RALB: variants seen among roughly 807,000 people sequenced by gnomAD.
RALB encodes RAS like proto-oncogene B, also known as ras-related protein Ral-B.
RALB carries 16 observed loss-of-function variants against 21.3 expected under a neutral mutation model. That is an observed-to-expected ratio of 0.75 (90% CI 0.51 to 1.14). The LOEUF (loss-of-function observed/expected upper bound fraction) is 1.14. Ranked by LOEUF, RALB falls within the 50% of genes most tolerant of loss-of-function variation. The probability of loss-of-function intolerance (pLI) is 0.00; values close to 1 mark genes in which losing one functional copy is unlikely to be tolerated. For synonymous variants in RALB, 93 were observed against 96.1 expected (o/e 0.97, Z 0.19); for missense variants, 161 against 256.2 (o/e 0.63, Z 2.54).
chr2:120,265,270 C>A (rs908911545), intron 1 of RALB, among the ~76,000 whole-genome samples: 1 of 152,174 alleles, frequency 6.6e-6, no homozygotes, highest in Non-Finnish European at 1.5e-5. Flanking sequence ...CAAATCTGCA[C>A]GTCATGTTAC....
intron 1 of RALB, among the ~76,000 whole-genome samples, chr2:120,247,201 T>C (rs772701532): frequency 2.0e-5 from 3 of 152,136 alleles, no homozygotes; most frequent in Non-Finnish European, 4.4e-5. Context: ...GGATGAGCAA[T>C]AGTGAGGAAG....
chr2:120,256,945 A>G (rs1689214857), intron 1 of RALB, among the ~76,000 whole-genome samples: 1 of 152,248 alleles, frequency 6.6e-6, no homozygotes, highest in Non-Finnish European at 1.5e-5. Context: ...GGAGATGGAA[A>G]GACAGCTGAG....
upstream of RALB, among the ~76,000 whole-genome samples, chr2:120,251,601 G>A (rs552744229): frequency 1.2e-4 from 19 of 152,272 alleles, no homozygotes; most frequent in African/African-American, 4.1e-4. Context: ...CTGTTACTCC[G>A]TAAGAAAAGG....
intron 2 of RALB, among the ~76,000 whole-genome samples, chr2:120,284,455 A>G (rs1161934947): frequency 1.3e-5 from 2 of 151,966 alleles, no homozygotes; most frequent in East Asian, 1.9e-4. Flanking sequence ...CTGGAGTGCA[A>G]TGGCACGATC....
At position 120,260,499 on chromosome 2, in the gene RALB, G is replaced by T. The variant is rs370580050; in HGVS notation, c.-48+7519G>T. On this transcript the variant is annotated intron_variant, in intron 1 of 4. Coordinates refer to ENST00000272519, the MANE Select transcript of RALB (RefSeq NM_002881.3). ...CGGTCAGGGCTGCATCCTCAGGTTCGTAAGTTGTCTGTACAGCCACTGGGC... is the reference window on the plus strand; with the variant it reads ...CGGTCAGGGCTGCATCCTCAGGTTCTTAAGTTGTCTGTACAGCCACTGGGC... Among the ~76,000 whole-genome samples, 7 of 152,362 alleles carry T rather than the reference G, an allele frequency of 4.6e-5. 1 individual carries two copies. The highest frequency in any genetic ancestry group is 1.7e-4 in the African/African-American group (7 of 41,594).
chr2:120,264,904 G>T (rs1253514805), intron 1 of RALB, among the ~76,000 whole-genome samples: 1 of 152,150 alleles, frequency 6.6e-6, no homozygotes, highest in East Asian at 1.9e-4. Context: ...ACGTCTTTAA[G>T]GGTGATCCAT....
chr2:120,264,002 C>T (rs1689435442), intron 1 of RALB, among the ~76,000 whole-genome samples: 2 of 150,810 alleles, frequency 1.3e-5, no homozygotes, highest in African/African-American at 2.4e-5. Flanking sequence ...ATGCACGCCA[C>T]CACGCCCGGC....
intron 1 of RALB, among the ~76,000 whole-genome samples, chr2:120,274,404 G>A (rs1028971383): frequency 2.0e-5 from 3 of 151,934 alleles, no homozygotes; most frequent in Admixed American, 6.6e-5. Flanking sequence ...GTAGGCAGGC[G>A]GTCAAGAGTA....
chr2:120,266,717 G>A (rs958772499), intron 1 of RALB, among the ~76,000 whole-genome samples: 7 of 152,042 alleles, frequency 4.6e-5, no homozygotes, highest in Non-Finnish European at 1.0e-4. Context: ...TCTTAAAAAA[G>A]AAAATAAATA....
At chr2:120,277,422 T>A (rs759995031) in intron 1 of RALB, among the ~76,000 whole-genome samples, 8 of 151,012 alleles carry the variant, frequency 5.3e-5, no homozygotes, top group Non-Finnish European at 8.8e-5. Flanking sequence ...CATGTGCATG[T>A]TAGAGCCTCT....
chr2:120,246,317 C>T (rs1296542809), intron 1 of RALB, among the ~76,000 whole-genome samples: 1 of 152,144 alleles, frequency 6.6e-6, no homozygotes, highest in Non-Finnish European at 1.5e-5. Context: ...GACAGAGGGG[C>T]ATCCACTTGC....
upstream of RALB, among the ~76,000 whole-genome samples, chr2:120,251,113 A>C (rs1179482855): frequency 6.6e-6 from 1 of 152,242 alleles, no homozygotes; most frequent in Non-Finnish European, 1.5e-5. Flanking sequence ...AGGTGGGAAC[A>C]GTAGAATCCT....
chr2:120,280,080 C>G (rs60069212), intron 2 of RALB, among the ~76,000 whole-genome samples: 2 of 151,820 alleles, frequency 1.3e-5, no homozygotes, highest in Admixed American at 1.3e-4. Context: ...GATCCTGATG[C>G]GAACCTGTCC....
rs1558959537 is a variant in RALB at position 120,293,285 on chromosome 2, G to T, written c.*25G>T. On this transcript the variant is annotated 3_prime_UTR_variant, in exon 5 of 5. Transcript: ENST00000272519. The stretch of plus-strand genomic sequence containing the variant: ...AGTGTCAAGGTGACGGATGAAGCCA[G>T]CTGCTCCTAAGGACACAGGGCTGGG... 1 of 1,601,214 alleles carries T rather than the reference G, an allele frequency of 6.2e-7. No individual in the cohort carries two copies. Among genetic ancestry groups the T allele is most frequent in the Non-Finnish European group, 8.5e-7 (1 of 1,173,458 alleles).
chr2:120,277,463 T>TGA (rs1553523390), intron 1 of RALB, among the ~76,000 whole-genome samples: 3 of 150,896 alleles, frequency 2.0e-5, no homozygotes, highest in East Asian at 2.0e-4. Context: ...TGTTAGAGCA[T>TGA]GTATGTGGTG....
upstream of RALB, among the ~76,000 whole-genome samples, chr2:120,251,871 G>A (rs1689063418): frequency 6.6e-6 from 1 of 152,192 alleles, no homozygotes; most frequent in African/African-American, 2.4e-5. Flanking sequence ...TATAGATGCT[G>A]ATGGAGGGAC....
Position 120,294,286 on chromosome 2 carries a change from G to A in RALB, c.*1026G>A. 2 of 398,678 alleles carry A rather than the reference G, an allele frequency of 5.0e-6. No homozygotes were observed. 24.7% of individuals were successfully genotyped at this position (398,678 alleles called of 1,614,324 possible). ...CTGCTACCTCTCATAGAATTGCTCT[G>A]TAATTCTAAATTTAAAATTAGAAGT... On this transcript the variant is annotated 3_prime_UTR_variant, in exon 5 of 5. Transcript: ENST00000272519.
Position 120,294,138 on chromosome 2 carries a change from C to G in RALB, c.*878C>G, listed in dbSNP as rs867622759. On this transcript the variant is annotated 3_prime_UTR_variant, in exon 5 of 5. Transcript: ENST00000272519. ...TGGTGAATGCATGTGTCTGTCTGATCAGCATCACTGCACACGGAGGTCTAG... is the reference window on the plus strand; with the variant it reads ...TGGTGAATGCATGTGTCTGTCTGATGAGCATCACTGCACACGGAGGTCTAG... 2.5e-5 allele frequency: 10 copies of G among 398,516 alleles called. No homozygotes were observed. Among genetic ancestry groups the G allele is most frequent in the Middle Eastern group, 6.2e-4 (1 of 1,610 alleles). 24.7% of individuals were successfully genotyped at this position (398,516 alleles called of 1,614,324 possible). A position where few individuals can be genotyped will look rare whatever the true frequency, so the allele number is the denominator to read the frequency against.
chr2:120,289,395 A>G (rs1180216799), intron 3 of RALB, among the ~76,000 whole-genome samples, 185 bp from the exon 4 acceptor site: 1 of 152,138 alleles, frequency 6.6e-6, no homozygotes, highest in Non-Finnish European at 1.5e-5. Flanking sequence ...TGAGAAGCAG[A>G]CTTGGAAAAC....
Sources: allele counts gnomAD v4.1 joint callset (sites outside exome capture counted in the v4.1 genomes callset), GRCh38; gene constraint gnomAD v4.1.1; transcripts MANE v1.5; gene names NCBI Gene and HGNC (gene_info 2026-07-23, HGNC 2026-07-21).